Variants in EPB41L5 observed in about 807,000 individuals in gnomAD.
EPB41L5 encodes erythrocyte membrane protein band 4.1 like 5.
In EPB41L5, 55 loss-of-function variants were observed where a neutral mutation model predicts 106.6. The observed-to-expected ratio is 0.52, with a 90% confidence interval of 0.42 to 0.65. The LOEUF (loss-of-function observed/expected upper bound fraction) is 0.65, where lower values mean the gene tolerates loss of function less well. EPB41L5 is among the 30% of genes least tolerant of loss of function. EPB41L5 has a pLI of 0.00. For synonymous variants in EPB41L5, 297 were observed against 306.7 expected, an observed-to-expected ratio of 0.97 and a Z score of 0.33; for missense variants, 871 against 882.1, an observed-to-expected ratio of 0.99 and a Z score of 0.16.
intron 3 of EPB41L5, among the ~76,000 whole-genome samples, chr2:120,061,845 G>T (rs536588458): frequency 5.3e-5 from 8 of 152,214 alleles, no homozygotes; most frequent in Non-Finnish European, 8.8e-5. Flanking sequence ...AAATTGTTTG[G>T]AAAGCTTGTT....
In EPB41L5 at chr2:120,143,141, C is replaced by T; in HGVS notation, c.1728+10C>T. ...AGAAGCAGTGCATAAGGTAAGCTGC[C>T]TTTGATAGATAGCCCTGGTGAAGTG... is the stretch of plus-strand genomic sequence containing the variant. On this transcript the variant is annotated intron_variant, in intron 19 of 24. Transcript: ENST00000263713. The T allele has an allele frequency of 1.3e-6, 2 of 1,567,428 alleles. No individual in the cohort carries two copies. The highest frequency in any genetic ancestry group is 2.3e-5 in the East Asian group (1 of 43,338).
intron 3 of EPB41L5, among the ~76,000 whole-genome samples, chr2:120,048,995 G>A (rs1200609929): frequency 3.3e-5 from 5 of 152,166 alleles, no homozygotes; most frequent in African/African-American, 9.7e-5. Flanking sequence ...TTAATCCTGA[G>A]TTCTAGTTTG....
At chr2:120,111,519 G>A (rs534805105) in intron 16 of EPB41L5, among the ~76,000 whole-genome samples, 1 of 152,284 alleles carries the variant, frequency 6.6e-6, no homozygotes, top group South Asian at 2.1e-4. Context: ...GAGAAGCACT[G>A]ACTTAGACCA....
intron 1 of EPB41L5, among the ~76,000 whole-genome samples, chr2:120,016,451 A>T (rs963106718): frequency 8.5e-5 from 13 of 152,116 alleles, no homozygotes; most frequent in African/African-American, 2.9e-4. Context: ...AATTAAAAAA[A>T]TATTAATAGC....
chr2:120,163,136 T>C (rs1348530256), intron 21 of EPB41L5, among the ~76,000 whole-genome samples: 1 of 151,946 alleles, frequency 6.6e-6, no homozygotes, highest in Non-Finnish European at 1.5e-5. Flanking sequence ...ATGCCTGTAG[T>C]CCTATCTTCT....
intron 3 of EPB41L5, among the ~76,000 whole-genome samples, chr2:120,045,958 T>G (rs990312287): frequency 3.9e-4 from 60 of 152,300 alleles, no homozygotes; most frequent in African/African-American, 1.4e-3. Context: ...GGTTTCCTGC[T>G]TCATCCATGT....
intron 16 of EPB41L5, among the ~76,000 whole-genome samples, chr2:120,120,871 C>G (rs1319286259): frequency 6.6e-6 from 1 of 152,118 alleles, no homozygotes; most frequent in Non-Finnish European, 1.5e-5. Context: ...ATCCCAGCAC[C>G]CTGGGAGGCC....
chr2:120,098,876 C>T (rs748533173), intron 14 of EPB41L5, among the ~76,000 whole-genome samples: 48 of 152,340 alleles, frequency 3.2e-4, no homozygotes, highest in African/African-American at 1.1e-3. Flanking sequence ...ATCCTCTATT[C>T]AGAGGTTGTG....
chr2:120,112,567 G>A (rs895430574), intron 16 of EPB41L5, among the ~76,000 whole-genome samples: 1 of 152,146 alleles, frequency 6.6e-6, no homozygotes, highest in African/African-American at 2.4e-5. Flanking sequence ...AGTTAAGAAG[G>A]CTTCTTGGCA....
intron 3 of EPB41L5, among the ~76,000 whole-genome samples, chr2:120,050,840 T>C (rs1680205900): frequency 6.6e-6 from 1 of 152,214 alleles, no homozygotes; most frequent in African/African-American, 2.4e-5. Context: ...GGTTTTGGTG[T>C]GGATGTCCTT....
At chr2:120,028,865 G>GA (rs1310955302) in intron 2 of EPB41L5, among the ~76,000 whole-genome samples, 2 of 152,188 alleles carry the variant, frequency 1.3e-5, no homozygotes, top group African/African-American at 4.8e-5. Flanking sequence ...AGAGAAAAAG[G>GA]ATGGAAGTGA....
Position 120,042,062 on chromosome 2 carries a change from T to G in EPB41L5, c.237T>G (p.Ile79Met). 2 of 1,613,736 alleles carry G rather than the reference T, an allele frequency of 1.2e-6. No individual in the cohort carries two copies. The highest frequency in any genetic ancestry group is 1.7e-6 in the Non-Finnish European group (2 of 1,179,696). ...FDQIMYHLDL[I>M]ESDYFGLRFM... Reference sequence around the variant, plus strand: ...AGATTATGTACCACCTGGACCTGATTGAAAGCGACTATTTTGGTCTGAGAT... The same window carrying G: ...AGATTATGTACCACCTGGACCTGATGGAAAGCGACTATTTTGGTCTGAGAT... The change falls in exon 3 of 25, where the codon ATT (isoleucine) becomes ATG (methionine). Residue 79 changes from isoleucine to methionine, a missense_variant. Coordinates refer to ENST00000263713, the MANE Select transcript of EPB41L5 (RefSeq NM_020909.4).
chr2:120,169,828 G>C (rs78408508), intron 24 of EPB41L5, among the ~76,000 whole-genome samples: 1 of 152,202 alleles, frequency 6.6e-6, no homozygotes, highest in East Asian at 1.9e-4. Context: ...TGATTAGTCC[G>C]TGGGGAATGT....
chr2:120,014,983 A>C (rs1159945113), intron 1 of EPB41L5, among the ~76,000 whole-genome samples: 4 of 151,484 alleles, frequency 2.6e-5, no homozygotes, highest in East Asian at 1.9e-4. Context: ...AAAAAAAAAA[A>C]AACCCACAAC....
chr2:120,029,917 A>C (rs1240945130), intron 2 of EPB41L5, among the ~76,000 whole-genome samples: 1 of 152,212 alleles, frequency 6.6e-6, no homozygotes, highest in Non-Finnish European at 1.5e-5. Context: ...GTCAGCAGGA[A>C]GAAGCCAGAG....
At chr2:120,076,701 T>G (rs1190936227) in intron 7 of EPB41L5, among the ~76,000 whole-genome samples, 1 of 152,092 alleles carries the variant, frequency 6.6e-6, no homozygotes, top group African/African-American at 2.4e-5. Flanking sequence ...TATGGAAGTC[T>G]AGAAAGCAGT....
At chr2:120,109,008 AT>A (rs1426976226) in intron 16 of EPB41L5, among the ~76,000 whole-genome samples, 1 of 152,208 alleles carries the variant, frequency 6.6e-6, no homozygotes, top group African/African-American at 2.4e-5. Flanking sequence ...GCAGTGAAAG[AT>A]TTCAGGAGTC....
At chr2:120,173,628 A>T (rs921424585) in intron 24 of EPB41L5, among the ~76,000 whole-genome samples, 26 of 152,172 alleles carry the variant, frequency 1.7e-4, no homozygotes, top group African/African-American at 4.8e-4. Flanking sequence ...TCTTGTTACC[A>T]CTTTCAACAT....
chr2:120,088,972 C>A (rs1683238859), intron 11 of EPB41L5, among the ~76,000 whole-genome samples: 1 of 152,098 alleles, frequency 6.6e-6, no homozygotes, highest in Admixed American at 6.6e-5. Flanking sequence ...GATATTAATT[C>A]TCTGTCAGAT....
Sources: allele counts gnomAD v4.1 joint callset (sites outside exome capture counted in the v4.1 genomes callset), GRCh38; gene constraint gnomAD v4.1.1; transcripts MANE v1.5; gene names NCBI Gene and HGNC (gene_info 2026-07-23, HGNC 2026-07-21).